The following PTPRM variants were observed in gnomAD, a reference collection of about 807,000 sequenced individuals.
PTPRM encodes the protein protein tyrosine phosphatase receptor type M.
Under a neutral mutation model 186.7 loss-of-function variants are expected in PTPRM, and 47 were observed. That is an observed-to-expected ratio of 0.25 (90% CI 0.20 to 0.32). The LOEUF (loss-of-function observed/expected upper bound fraction) is 0.32. Among genes scored for constraint, PTPRM ranks in the 10% least tolerant of loss-of-function variants. PTPRM has a pLI of 1.00. For synonymous variants in PTPRM, 668 were observed against 674.9 expected (o/e 0.99, Z 0.16); for missense variants, 1,494 against 1,865.0 (o/e 0.80, Z 3.66).
intron 14 of PTPRM, among the ~76,000 whole-genome samples, chr18:8,146,787 T>A (rs2092897389): frequency 6.6e-6 from 1 of 152,210 alleles, no homozygotes; most frequent in Non-Finnish European, 1.5e-5. Flanking sequence ...TGGTTTTAGG[T>A]CTTATGTTTA....
chr18:7,574,051 C>T (rs1443397431), intron 1 of PTPRM, among the ~76,000 whole-genome samples: 1 of 152,160 alleles, frequency 6.6e-6, no homozygotes, highest in African/African-American at 2.4e-5. Context: ...CTGATGTGAC[C>T]TGAGATTGGA....
At chr18:8,356,471 A>C (rs1252017370) in intron 23 of PTPRM, among the ~76,000 whole-genome samples, 1 of 152,214 alleles carries the variant, frequency 6.6e-6, no homozygotes, top group African/African-American at 2.4e-5. Context: ...GAGCAGAGAC[A>C]GGCGTGGACA....
Position 7,848,808 on chromosome 18 carries a change from T to A in PTPRM, c.197-39298T>A, listed in dbSNP as rs190140242. Among the ~76,000 whole-genome samples, 674 of 152,268 alleles carry A rather than the reference T, an allele frequency of 4.4e-3. 2 individuals carry two copies. The highest frequency in any genetic ancestry group is 0.015 in the African/African-American group (636 of 41,554). ...ATAAAATAAAATTTGCTTTGGGAAA[T>A]TTCTACTTTACACAGTGAGAGTAAG... On this transcript the variant is annotated intron_variant, in intron 2 of 32. Transcript: ENST00000580170.
intron 19 of PTPRM, among the ~76,000 whole-genome samples, chr18:8,259,637 A>G (rs1601520926): frequency 6.6e-6 from 1 of 150,468 alleles, no homozygotes; most frequent in African/African-American, 2.4e-5. Context: ...TCTCACCTGC[A>G]CTCTAAAATC....
intron 7 of PTPRM, among the ~76,000 whole-genome samples, chr18:8,033,109 CAACTT>C (rs762415731): frequency 7.2e-4 from 110 of 152,090 alleles, no homozygotes; most frequent in Admixed American, 1.2e-3. Context: ...GGACAAATGA[CAACTT>C]AGAGAAAAAA....
intron 2 of PTPRM, among the ~76,000 whole-genome samples, chr18:7,829,329 T>C (rs2045645038): frequency 6.6e-6 from 1 of 152,172 alleles, no homozygotes; most frequent in African/African-American, 2.4e-5. Context: ...GATGACACTC[T>C]TCACATTCAA....
intron 1 of PTPRM, among the ~76,000 whole-genome samples, chr18:7,602,254 AAGTT>A (rs1424076754): frequency 6.6e-6 from 1 of 152,196 alleles, no homozygotes; most frequent in Non-Finnish European, 1.5e-5. Flanking sequence ...GATCTTGGGC[AAGTT>A]ATCCACTTCT....
chr18:8,287,206 A>T (rs535870686), intron 19 of PTPRM, among the ~76,000 whole-genome samples: 2 of 152,286 alleles, frequency 1.3e-5, no homozygotes, highest in Admixed American at 1.3e-4. Context: ...AATTGGAAAA[A>T]ATTTTCTTGG....
At position 8,069,778 on chromosome 18, in the gene PTPRM, C is replaced by G; in HGVS notation, c.1225C>G (p.Arg409Gly). 1 of 1,613,572 alleles carries G rather than the reference C, an allele frequency of 6.2e-7. No homozygotes were observed. The highest frequency in any genetic ancestry group is 8.5e-7 in the Non-Finnish European group (1 of 1,179,480). ...RWEPFGYNVT[R>G]CHSYNLTVHY... Reference sequence around the variant, plus strand: ...GGAGCCATTTGGATATAATGTAACTCGTTGCCACAGTTATAATCTCACTGT... The same window carrying G: ...GGAGCCATTTGGATATAATGTAACTGGTTGCCACAGTTATAATCTCACTGT... Residue 409 changes from arginine to glycine, a missense_variant, in exon 8 of 33, where the codon CGT (arginine) becomes GGT (glycine). This residue lies in a region of PTPRM where 1,107 missense variants were observed against 1,350.2 expected (regional missense o/e 0.82). Coordinates refer to ENST00000580170, the MANE Select transcript of PTPRM (RefSeq NM_001105244.2).
chr18:7,904,441 C>A (rs988506374), intron 3 of PTPRM, among the ~76,000 whole-genome samples: 1 of 152,142 alleles, frequency 6.6e-6, no homozygotes, highest in Non-Finnish European at 1.5e-5. Flanking sequence ...CCATTCCTAC[C>A]CCTGGCAACC....
chr18:7,811,763 GTT>G (rs900715102), intron 2 of PTPRM, among the ~76,000 whole-genome samples: 48 of 152,218 alleles, frequency 3.2e-4, no homozygotes, highest in Admixed American at 3.1e-3. Flanking sequence ...CTGTGGCACT[GTT>G]ATATAAGTCA....
rs1028333810 is a variant in PTPRM, at chr18:8,055,151, A to G, written c.1133-14535A>G. On this transcript the variant is annotated intron_variant, in intron 7 of 32. Coordinates refer to ENST00000580170, the MANE Select transcript of PTPRM (RefSeq NM_001105244.2). ...CTTTTGTATATGTTATACTTTCTGT[A>G]TCTTTTGACTGATATCTCTTGTCAA... 2.0e-5 allele frequency among the ~76,000 whole-genome samples: 3 copies of G among 152,092 alleles called. No individual in the cohort carries two copies. The East Asian group carries it at 5.8e-4, about 29-fold the overall frequency.
chr18:7,781,804 A>T (rs1007937404), intron 2 of PTPRM, among the ~76,000 whole-genome samples: 1 of 151,478 alleles, frequency 6.6e-6, no homozygotes, highest in East Asian at 1.9e-4. Context: ...TGAATTTGAC[A>T]TTTTTTTTTA....
intron 2 of PTPRM, among the ~76,000 whole-genome samples, chr18:7,835,678 A>G (rs530412361): frequency 6.6e-6 from 1 of 152,174 alleles, no homozygotes; most frequent in Admixed American, 6.5e-5. Flanking sequence ...TGATATCTCC[A>G]GCTATTCTTG....
intron 19 of PTPRM, among the ~76,000 whole-genome samples, chr18:8,256,225 C>G (rs117591804): frequency 0.014 from 2,127 of 152,222 alleles, 18 homozygotes; most frequent in Middle Eastern, 0.034. Context: ...GTGAGGCCAT[C>G]CCACCCAACA....
At chr18:8,054,450 G>T (rs906844664) in intron 7 of PTPRM, among the ~76,000 whole-genome samples, 7 of 150,736 alleles carry the variant, frequency 4.6e-5, no homozygotes, top group Admixed American at 4.6e-4. Context: ...ATAATTGACT[G>T]AAATAACTTT....
chr18:7,603,766 A>G (rs2143773963), intron 1 of PTPRM, among the ~76,000 whole-genome samples: 1 of 152,344 alleles, frequency 6.6e-6, no homozygotes, highest in African/African-American at 2.4e-5. Flanking sequence ...TGGAACACAC[A>G]GCAGCCTGTG....
intron 2 of PTPRM, among the ~76,000 whole-genome samples, chr18:7,804,871 T>C (rs2044156932): frequency 6.6e-6 from 1 of 152,208 alleles, no homozygotes; most frequent in Non-Finnish European, 1.5e-5. Flanking sequence ...AATACAGATG[T>C]TCATTAGAAT....
chr18:8,043,856 G>A (rs1236226529), intron 7 of PTPRM, among the ~76,000 whole-genome samples: 4 of 152,146 alleles, frequency 2.6e-5, no homozygotes, highest in Non-Finnish European at 4.4e-5. Context: ...AGGAGAGTCA[G>A]GGAAATGAAA....
Sources: allele counts gnomAD v4.1 joint callset (sites outside exome capture counted in the v4.1 genomes callset), GRCh38; gene constraint gnomAD v4.1.1; regional missense constraint gnomAD v4.1.1; transcripts MANE v1.5; gene names NCBI Gene and HGNC (gene_info 2026-07-23, HGNC 2026-07-21).